Variants in RAPH1 observed in about 807,000 individuals in gnomAD.
RAPH1 encodes the protein Ras association (RalGDS/AF-6) and pleckstrin homology domains 1, also known as ras-associated and pleckstrin homology domains-containing protein 1.
Under a neutral mutation model 88.1 loss-of-function variants are expected in RAPH1, and 18 were observed. The observed-to-expected ratio is 0.20, with a 90% CI of 0.14 to 0.30. RAPH1 has a LOEUF of 0.30. Ranked by LOEUF, RAPH1 falls within the 10% of genes least tolerant of loss-of-function variation. The pLI is 1.00. For synonymous variants in RAPH1, 587 were observed against 559.0 expected, an observed-to-expected ratio of 1.05 and a Z score of -0.71; for missense variants, 1,448 against 1,543.2, an observed-to-expected ratio of 0.94 and a Z score of 1.03.
In RAPH1 at chr2:203,437,635, G is replaced by T. The variant is rs1299929622; in HGVS notation, c.*1802C>A. 6.5e-6 allele frequency: 1 copy of T among 152,832 alleles called. No homozygotes were observed. Among genetic ancestry groups the T allele is most frequent in the Non-Finnish European group, 1.5e-5 (1 of 68,530 alleles). The allele number at this position is 152,832 out of a possible 1,614,324, so 9.5% of individuals were successfully genotyped here. ...CATAACCGAACAATATTCTGGAGAT[G>T]TAGCAATGGAGAGGTGCTGTTCACT... On this transcript the variant is annotated 3_prime_UTR_variant, in exon 14 of 14. Transcript: ENST00000319170.
At chr2:203,461,217 T>C (rs368432070) in intron 6 of RAPH1, 32 bp downstream of exon 6, 83 of 1,423,758 alleles carry the variant, frequency 5.8e-5, no homozygotes, top group Non-Finnish European at 7.6e-5. Flanking sequence ...ACACAAAAAT[T>C]AGAAAGCAAT....
chr2:203,510,494 A>G (rs1395734395), intron 1 of RAPH1, among the ~76,000 whole-genome samples: 2 of 152,178 alleles, frequency 1.3e-5, no homozygotes, highest in Non-Finnish European at 2.9e-5. Flanking sequence ...GCAGGAGAGC[A>G]GAGAGTATTC....
rs755750596 is a variant in RAPH1 at position 203,440,181 on chromosome 2, C to T, written c.3009G>A (p.Lys1003=). 1.2e-6 allele frequency: 2 copies of T among 1,613,776 alleles called. No individual in the cohort carries two copies. The highest frequency in any genetic ancestry group is 1.7e-6 in the Non-Finnish European group (2 of 1,179,998). Residue 1003 remains lysine, a synonymous_variant, in exon 14 of 14, where the codon AAG becomes AAA. Transcript: ENST00000319170. ...ACCCTGATTCTGCTGGCGGTGTAAA[C>T]TTGCTGACTAGACTGTCCACCGAGG... is the stretch of plus-strand genomic sequence containing the variant. ...KRPSVDSLVS[K]FTPPAESGSP...
At chr2:203,477,249 G>T in intron 4 of RAPH1, 1 of 940,564 alleles carries the variant, frequency 1.1e-6, no homozygotes. Flanking sequence ...GATCAATGAA[G>T]TGAAACAAAA....
At chr2:203,506,094 C>CGCA (rs1688980444) in intron 1 of RAPH1, among the ~76,000 whole-genome samples, 1 of 152,158 alleles carries the variant, frequency 6.6e-6, no homozygotes, top group Admixed American at 6.5e-5. Context: ...GATGGCCAAA[C>CGCA]GCACTGGCAA....
intron 1 of RAPH1, among the ~76,000 whole-genome samples, chr2:203,531,562 G>A (rs1215339999): frequency 2.0e-5 from 3 of 152,178 alleles, no homozygotes; most frequent in Non-Finnish European, 4.4e-5. Flanking sequence ...CTTTAAAAAT[G>A]AGTCAAGGAC....
intron 1 of RAPH1, among the ~76,000 whole-genome samples, chr2:203,504,671 A>T (rs1468101893): frequency 2.8e-5 from 2 of 70,378 alleles, no homozygotes; most frequent in South Asian, 4.3e-4. Flanking sequence ...AATTTCTCCT[A>T]AAAAAAAAAA....
chr2:203,463,784 G>A (rs897636749), intron 4 of RAPH1, among the ~76,000 whole-genome samples: 4 of 151,992 alleles, frequency 2.6e-5, no homozygotes, highest in African/African-American at 7.2e-5. Flanking sequence ...ACAAATAGCA[G>A]AATTATAAAA....
intron 1 of RAPH1, among the ~76,000 whole-genome samples, chr2:203,513,960 T>G (rs571634153): frequency 1.1e-4 from 16 of 152,140 alleles, no homozygotes; most frequent in Admixed American, 9.2e-4. Context: ...TTCTCCTGCC[T>G]GAGCCTCCAG....
chr2:203,468,568 T>C (rs1036615133), intron 4 of RAPH1, among the ~76,000 whole-genome samples: 1 of 152,302 alleles, frequency 6.6e-6, no homozygotes, highest in South Asian at 2.1e-4. Context: ...GCACTTAACA[T>C]GATTTAGAAC....
rs2098502290 is a variant in RAPH1 at position 203,440,287 on chromosome 2, C to T, written c.2903G>A (p.Gly968Glu). The T allele has an allele frequency of 6.2e-7, 1 of 1,613,692 alleles. No homozygotes were observed. Among genetic ancestry groups the T allele is most frequent in the African/African-American group, 1.3e-5 (1 of 74,930 alleles). ...KKTSKTSSPG[G>E]KKPPPTPQRN... ...CTGTGGGGTTGGGGGTGGTTTCTTT[C>T]CCCCAGGGCTGGACGTCTTACTGGT... Residue 968 changes from glycine to glutamate, a missense_variant, in exon 14 of 14, where the codon GGA (glycine) becomes GAA (glutamate). Gly to Glu is a moderately conservative substitution (Grantham distance 98). Coordinates refer to ENST00000319170, the MANE Select transcript of RAPH1 (RefSeq NM_213589.3).
chr2:203,516,054 A>C (rs547448574), intron 1 of RAPH1, among the ~76,000 whole-genome samples: 1 of 152,210 alleles, frequency 6.6e-6, no homozygotes, highest in Non-Finnish European at 1.5e-5. Context: ...TTATGTATAG[A>C]TAATATATAT....
chr2:203,461,190 T>G, intron 6 of RAPH1, 59 bp downstream of exon 6: 1 of 1,083,316 alleles, frequency 9.2e-7, no homozygotes, highest in Non-Finnish European at 1.3e-6. Flanking sequence ...TTTATCAGCA[T>G]GAAAACTGAT....
At chr2:203,484,765 C>A (rs113597952) in intron 4 of RAPH1, among the ~76,000 whole-genome samples, 13 of 152,322 alleles carry the variant, frequency 8.5e-5, no homozygotes, top group African/African-American at 3.1e-4. Context: ...GCAGCTAATT[C>A]TCAGATTCCC....
At chr2:203,516,816 G>A (rs1356656882) in intron 1 of RAPH1, among the ~76,000 whole-genome samples, 5 of 152,048 alleles carry the variant, frequency 3.3e-5, no homozygotes, top group African/African-American at 9.7e-5. Context: ...GGCGGATCAT[G>A]ACGTCAGGAG....
intron 4 of RAPH1, 79 bp from the exon 5 acceptor site, chr2:203,462,004 CT>C: frequency 8.9e-7 from 1 of 1,122,280 alleles, no homozygotes; most frequent in Non-Finnish European, 1.3e-6. Context: ...CTTAAGGATG[CT>C]CCCAGCAATA....
intron 1 of RAPH1, among the ~76,000 whole-genome samples, chr2:203,505,264 T>A (rs1298380555): frequency 6.6e-6 from 1 of 152,160 alleles, no homozygotes; most frequent in Non-Finnish European, 1.5e-5. Context: ...CAGTTCCACA[T>A]GGCTGGGGAG....
At chr2:203,450,902 T>G (rs1274271440) in intron 10 of RAPH1, among the ~76,000 whole-genome samples, 3 of 152,108 alleles carry the variant, frequency 2.0e-5, no homozygotes, top group South Asian at 4.1e-4. Flanking sequence ...AGAGGGTTTT[T>G]TTTTTTTTTT....
Position 203,459,962 on chromosome 2 carries a change from T to C in RAPH1, c.1037A>G (p.Asn346Ser). 6.2e-7 allele frequency: 1 copy of C among 1,612,480 alleles called. No individual in the cohort carries two copies. Among genetic ancestry groups the C allele is most frequent in the Non-Finnish European group, 8.5e-7 (1 of 1,178,720 alleles). ...NLLNWTRDSQ[N>S]KLIFMERIEK... is the part of the protein sequence containing the mutation. ...TATACGCTCCATAAATATAAGCTTG[T>C]TTTGGCTATCTCTTGTCCAATTAAG... Residue 346 changes from asparagine to serine, a missense_variant, in exon 7 of 14, where the codon AAC becomes AGC. By Grantham distance (46) the Asn-to-Ser change is conservative. This residue lies in a region of RAPH1 where 513 missense variants were observed against 653.1 expected (regional missense o/e 0.79). Coordinates refer to ENST00000319170, the MANE Select transcript of RAPH1 (RefSeq NM_213589.3).
Sources: allele counts gnomAD v4.1 joint callset (sites outside exome capture counted in the v4.1 genomes callset), GRCh38; gene constraint gnomAD v4.1.1; regional missense constraint gnomAD v4.1.1; transcripts MANE v1.5; gene names NCBI Gene and HGNC (gene_info 2026-07-23, HGNC 2026-07-21).